The following COQ8A variants were observed in gnomAD, a reference collection of about 807,000 sequenced individuals.
COQ8A encodes coenzyme Q8A.
Under a neutral mutation model 65.0 loss-of-function variants are expected in COQ8A, and 51 were observed. The ratio of observed to expected loss-of-function variants is 0.78; its 90% CI spans 0.63 to 0.99. COQ8A has a LOEUF of 0.99. Among genes scored for constraint, COQ8A ranks in the 50% least tolerant of loss-of-function variants. The pLI, the probability that COQ8A is intolerant of heterozygous loss-of-function variation, is 0.00. For missense variants in COQ8A, 940 were observed against 875.0 expected, an observed-to-expected ratio of 1.07 and a Z score of -0.94; for synonymous variants, 371 against 353.2, an observed-to-expected ratio of 1.05 and a Z score of -0.57.
intron 1 of COQ8A, among the ~76,000 whole-genome samples, chr1:226,942,283 G>C (rs1656753137): frequency 6.6e-6 from 1 of 152,028 alleles, no homozygotes; most frequent in Non-Finnish European, 1.5e-5. Flanking sequence ...CCCTAACCCA[G>C]TGGTAAAAGC....
Position 226,972,679 on chromosome 1 carries a change from A to G in COQ8A, c.656-4770A>G, listed in dbSNP as rs1048337911. Among the ~76,000 whole-genome samples, 12 of 152,124 alleles carry G rather than the reference A, an allele frequency of 7.9e-5. No individual in the cohort carries two copies. The highest frequency in any genetic ancestry group is 4.6e-4 in the Admixed American group (7 of 15,274). The stretch of plus-strand genomic sequence containing the variant: ...CAGCAGCAAAGCTCTCTCTGGGACC[A>G]TTGTGCCCCATCCCCCCAAACTTTT... On this transcript the variant is annotated intron_variant, in intron 4 of 14. Transcript: ENST00000366777. This position sits in a 1 kb window ranked among gnomAD's most constrained non-coding sequence, Gnocchi z 4.3.
chr1:226,978,440 ACACACCTCCTTACACACCCTC>A (rs1185759455), intron 5 of COQ8A, among the ~76,000 whole-genome samples: 1 of 113,236 alleles, frequency 8.8e-6, no homozygotes, highest in Non-Finnish European at 1.8e-5. Context: ...CCTCTCACCC[ACACACCTCCTTACACACCCTC>A]CACACCCACC....
At position 226,986,684 on chromosome 1, in the gene COQ8A, G is replaced by T. The variant is rs1339757723; in HGVS notation, c.1891G>T (p.Ala631Ser). 1 of 1,614,072 alleles carries T rather than the reference G, an allele frequency of 6.2e-7. No individual in the cohort carries two copies. Reference sequence around the variant, plus strand: ...GCTGAAGGCCCGCTTCCCCTGCAAGGCCATGTTCGAGGAGGCCTACAGCAA... The same window carrying T: ...GCTGAAGGCCCGCTTCCCCTGCAAGTCCATGTTCGAGGAGGCCTACAGCAA... ...SKLKARFPCK[A>S]MFEEAYSNYC... Residue 631 changes from alanine (A) to serine (S), a missense_variant, in exon 15 of 15, where the codon GCC (alanine) becomes TCC (serine). Coordinates refer to ENST00000366777, the MANE Select transcript of COQ8A (RefSeq NM_020247.5).
rs76112814 is a variant in COQ8A, at chr1:226,953,637, C to T, written c.-9-7740C>T. ...GCAGGCCTGTGCTGGGGCTCACTGA[C>T]GGGGGAAGGACGGAGGCTTTTTTCC... On this transcript the variant is annotated intron_variant, in intron 1 of 14. Transcript: ENST00000366777. 2.5e-3 allele frequency among the ~76,000 whole-genome samples: 383 copies of T among 152,250 alleles called. 9 individuals carry two copies. The East Asian group carries it at 0.047, about 19-fold the overall frequency.
chr1:226,982,618 A>T, intron 6 of COQ8A, 60 bp from the exon 7 acceptor site: 1 of 1,571,246 alleles, frequency 6.4e-7, no homozygotes, highest in Non-Finnish European at 8.7e-7. Flanking sequence ...GTGCCCGCCC[A>T]GGTCCTGGGC....
At chr1:226,956,708 A>C (rs1572031448) in intron 1 of COQ8A, among the ~76,000 whole-genome samples, 2 of 96,484 alleles carry the variant, frequency 2.1e-5, no homozygotes, top group Admixed American at 1.1e-4. Context: ...TCCCTGGTTC[A>C]CACTCTCCCT....
intron 4 of COQ8A, among the ~76,000 whole-genome samples, chr1:226,975,890 C>T (rs1297383247): frequency 2.0e-5 from 3 of 152,174 alleles, no homozygotes; most frequent in Non-Finnish European, 4.4e-5. Flanking sequence ...ATGTACTTTT[C>T]ATTAAATTTT....
At chr1:226,947,419 A>G (rs1657107750) in intron 1 of COQ8A, among the ~76,000 whole-genome samples, 1 of 152,204 alleles carries the variant, frequency 6.6e-6, no homozygotes, top group African/African-American at 2.4e-5. Context: ...TGACAGGCAG[A>G]CAGAGGGGAA....
intron 1 of COQ8A, among the ~76,000 whole-genome samples, chr1:226,948,021 C>T (rs1657149188): frequency 6.6e-6 from 1 of 152,106 alleles, no homozygotes; most frequent in African/African-American, 2.4e-5. Flanking sequence ...AGAATACAGC[C>T]CCTCTCCCCA....
chr1:226,947,010 C>T (rs965413136), intron 1 of COQ8A, among the ~76,000 whole-genome samples: 1 of 152,216 alleles, frequency 6.6e-6, no homozygotes, highest in Non-Finnish European at 1.5e-5. Context: ...AATTGTGATA[C>T]CCTCAGTCCT....
At position 226,984,434 on chromosome 1, in the gene COQ8A, C is replaced by T. The variant is rs956141718; in HGVS notation, c.1399-114C>T. 1.4e-4 allele frequency: 183 copies of T among 1,279,834 alleles called. 1 individual carries two copies. The highest frequency in any genetic ancestry group is 1.3e-4 in the Admixed American group (7 of 55,312). The allele number at this position is 1,279,834 out of a possible 1,614,324, so 79.3% of individuals were successfully genotyped here. On this transcript the variant is annotated intron_variant, in intron 11 of 14. Coordinates refer to ENST00000366777, the MANE Select transcript of COQ8A (RefSeq NM_020247.5). ...GGCCCAAGTAACACTGGGAATCAAA[C>T]AGTCCCTAGGGTAGGGTGGGTAAAA...
At position 226,983,575 on chromosome 1, in the gene COQ8A, C is replaced by T. The variant is rs763545706; in HGVS notation, c.1104C>T (p.Ile368=). The T allele has an allele frequency of 6.2e-7, 1 of 1,613,928 alleles. No homozygotes were observed. The highest frequency in any genetic ancestry group is 8.5e-7 in the Non-Finnish European group (1 of 1,180,010). ...AGTACCCTGGCGTGGCCCAGAGCAT[C>T]AACAGTGATGTCAACAACCTCATGG... ...KIQYPGVAQS[I]NSDVNNLMAV... is the part of the protein sequence containing the mutation. Residue 368 remains isoleucine, a synonymous_variant, in exon 9 of 15, where the codon ATC becomes ATT. Transcript: ENST00000366777.
chr1:226,979,123 A>G (rs1254526905), intron 5 of COQ8A, among the ~76,000 whole-genome samples: 3 of 152,204 alleles, frequency 2.0e-5, no homozygotes, highest in East Asian at 3.9e-4. Flanking sequence ...GCTGTAGTCT[A>G]TGCAGAGGCA....
intron 5 of COQ8A, among the ~76,000 whole-genome samples, chr1:226,978,697 A>C (rs139717962): frequency 1.4e-5 from 1 of 69,722 alleles, no homozygotes. Flanking sequence ...ACACACCTGC[A>C]CACCTCCTTA....
At chr1:226,981,459 G>A (rs1490169420) in intron 5 of COQ8A, among the ~76,000 whole-genome samples, 2 of 152,242 alleles carry the variant, frequency 1.3e-5, no homozygotes, top group Admixed American at 6.5e-5. Context: ...GCCTCTGTGG[G>A]TGGACGGGAG....
chr1:226,969,001 ACCGTGGTTTTCT>A lies in COQ8A; in HGVS notation c.655+3266_655+3277del, dbSNP rs566120861. 3.1e-3 allele frequency among the ~76,000 whole-genome samples: 468 copies of A among 152,278 alleles called. 2 individuals are homozygous for A. Among genetic ancestry groups the A allele is most frequent in the Non-Finnish European group, 5.5e-3 (376 of 68,026 alleles). On this transcript the variant is annotated intron_variant, in intron 4 of 14. Transcript: ENST00000366777. Reference sequence around the variant, plus strand: ...TGCTTCCAGTGTGACCTTGGGCTCTACCGTGGTTTTCTCTTTTGTAAAATAAGGGTCTTGCCG... The same window carrying A: ...TGCTTCCAGTGTGACCTTGGGCTCTACTTTTGTAAAATAAGGGTCTTGCCG...
Position 226,959,276 on chromosome 1 carries a change from G to A in COQ8A, c.-9-2101G>A, listed in dbSNP as rs141429857. Among the ~76,000 whole-genome samples, 113 of 152,272 alleles carry A rather than the reference G, an allele frequency of 7.4e-4. No individual in the cohort carries two copies. In the Middle Eastern group the frequency reaches 0.01, roughly 14 times the overall value. ...TACCTGGTCTTAAGCTGGCATGGTG[G>A]TGCAGGCCTGTAATTCCAGCTGCTT... On this transcript the variant is annotated intron_variant, in intron 1 of 14. Coordinates refer to ENST00000366777, the MANE Select transcript of COQ8A (RefSeq NM_020247.5).
At chr1:226,973,340 A>G (rs950832112) in intron 4 of COQ8A, among the ~76,000 whole-genome samples, 2 of 152,180 alleles carry the variant, frequency 1.3e-5, no homozygotes, top group Admixed American at 1.3e-4. Context: ...TCTGTGTTGG[A>G]GATGAGAGAG....
At chr1:226,979,298 T>G in intron 5 of COQ8A, among the ~76,000 whole-genome samples, 1 of 151,802 alleles carries the variant, frequency 6.6e-6, no homozygotes, top group East Asian at 1.9e-4. Context: ...TGATGAGGAG[T>G]GGGGCGCACT....
Sources: gnomAD v4.1 joint callset for allele counts (sites outside exome capture counted in the v4.1 genomes callset) on GRCh38, gnomAD v4.1.1 for gene constraint, Gnocchi (gnomAD v3.1) non-coding constraint, MANE v1.5 for transcripts, NCBI Gene and HGNC (gene_info 2026-07-23, HGNC 2026-07-21) for gene names.